Variants in MTM1 observed in about 807,000 individuals in gnomAD.
The protein encoded by MTM1 is myotubularin 1.
Under a neutral mutation model 52.1 loss-of-function variants are expected in MTM1, and 9 were observed. That is an observed-to-expected ratio of 0.17 (90% confidence interval 0.10 to 0.30). The LOEUF is 0.30. MTM1 is among the 10% of genes least tolerant of loss of function. MTM1 has a pLI of 1.00. For synonymous variants in MTM1, 136 were observed against 163.8 expected, an observed-to-expected ratio of 0.83 and a Z score of 1.29; for missense variants, 277 against 470.7, an observed-to-expected ratio of 0.59 and a Z score of 3.81.
At chrX:150,596,154 A>C (rs1174062952) in intron 2 of MTM1, among the ~76,000 whole-genome samples, 1 of 112,306 alleles carries the variant, frequency 8.9e-6, no homozygotes, top group African/African-American at 3.2e-5. Flanking sequence ...TGAAAAAAAG[A>C]AAGCTGCTAC....
Position 150,645,745 on chromosome X carries a change from C to A in MTM1, c.741C>A (p.Val247=). Residue 247 remains valine (V), a synonymous_variant, in exon 9 of 15, where the codon GTC becomes GTA. Coordinates refer to ENST00000370396, the MANE Select transcript of MTM1 (RefSeq NM_000252.3). ...TVIVRCSQPL[V]GMSGKRNKDD... ...TTGTGCGTTGCAGTCAGCCTCTTGTCGGTATGAGTGGGAAACGAAATAAAG... is the reference window on the plus strand; with the variant it reads ...TTGTGCGTTGCAGTCAGCCTCTTGTAGGTATGAGTGGGAAACGAAATAAAG... 8.3e-7 allele frequency: 1 copy of A among 1,210,482 alleles called. No individual in the cohort carries two copies. The highest frequency in any genetic ancestry group is 1.1e-6 in the Non-Finnish European group (1 of 894,438).
At chrX:150,632,475 A>G (rs1349043764) in intron 6 of MTM1, among the ~76,000 whole-genome samples, 1 of 111,684 alleles carries the variant, frequency 9.0e-6, no homozygotes, top group African/African-American at 3.3e-5. Flanking sequence ...TCTGAAGGTG[A>G]AGGGAGCCAT....
intron 11 of MTM1, 44 bp downstream of exon 11, chrX:150,658,071 C>A (rs781847908): frequency 1.9e-6 from 2 of 1,025,832 alleles, no homozygotes; most frequent in East Asian, 3.1e-5. Flanking sequence ...CACTACCATT[C>A]AGGATTTTAA....
chrX:150,584,232 C>T (rs2038740928), intron 1 of MTM1, among the ~76,000 whole-genome samples: 1 of 107,376 alleles, frequency 9.3e-6, no homozygotes, highest in African/African-American at 3.4e-5. Context: ...AAGTGCAAAG[C>T]AGTGGACTGC....
chrX:150,659,518 G>A (rs1422033539), intron 11 of MTM1, 146 bp from the exon 12 acceptor site: 1 of 480,577 alleles, frequency 2.1e-6, no homozygotes, highest in Non-Finnish European at 3.7e-6. Flanking sequence ...TGCCTATATT[G>A]CCATGGAAGT....
At position 150,652,658 on chromosome X, in the gene MTM1, TACACACAC is replaced by T. The variant is rs377592464; in HGVS notation, c.1053+2787_1053+2794del. On this transcript the variant is annotated intron_variant, in intron 10 of 14. Coordinates refer to ENST00000370396, the MANE Select transcript of MTM1 (RefSeq NM_000252.3). The stretch of plus-strand genomic sequence containing the variant: ...ATACGTGTGTGTGTGTATATATATA[TACACACAC>T]ACACACACACACACACACACACACA... 6.4e-3 allele frequency among the ~76,000 whole-genome samples: 525 copies of T among 82,453 alleles called. 3 individuals are homozygous for T. Among genetic ancestry groups the T allele is most frequent in the Non-Finnish European group, 7.7e-3 (325 of 42,104 alleles). The allele number at this position is 82,453 out of a possible 115,157, so 71.6% of individuals were successfully genotyped here.
chrX:150,644,013 C>A (rs1425270250), intron 8 of MTM1, among the ~76,000 whole-genome samples: 1 of 110,857 alleles, frequency 9.0e-6, no homozygotes, highest in Non-Finnish European at 1.9e-5. Flanking sequence ...GTAGCATTTC[C>A]TAACATGGCA....
chrX:150,649,371 A>G (rs898917397), intron 9 of MTM1, among the ~76,000 whole-genome samples: 7 of 112,613 alleles, frequency 6.2e-5, no homozygotes, highest in Non-Finnish European at 1.1e-4. Flanking sequence ...GAAGAGTACT[A>G]TTAGAGATAC....
Position 150,583,285 on chromosome X carries a change from A to ATATAATT in MTM1, c.-10-9316_-10-9315insATTTATA, listed in dbSNP as rs2038638884. Among the ~76,000 whole-genome samples, 2 of 55,893 alleles carry ATATAATT rather than the reference A, an allele frequency of 3.6e-5. 1 individual carries two copies. Among genetic ancestry groups the ATATAATT allele is most frequent in the African/African-American group, 1.5e-4 (2 of 13,251 alleles). 48.5% of individuals were successfully genotyped at this position (55,893 alleles called of 115,157 possible). On this transcript the variant is annotated intron_variant, in intron 1 of 14. Coordinates refer to ENST00000370396, the MANE Select transcript of MTM1 (RefSeq NM_000252.3). ...TATAAATTATATATAAATTATAAAT[A>ATATAATT]TATATAAATTATATATATTATATAT...
chrX:150,645,633 G>T, intron 8 of MTM1, 50 bp from the exon 9 acceptor site: 1 of 1,103,166 alleles, frequency 9.1e-7, no homozygotes, highest in Non-Finnish European at 1.3e-6. Flanking sequence ...TTAATTGTTT[G>T]CTTGGAGATT....
chrX:150,575,922 C>T (rs1415882154), intron 1 of MTM1, among the ~76,000 whole-genome samples: 2 of 111,346 alleles, frequency 1.8e-5, no homozygotes, highest in Non-Finnish European at 3.8e-5. Context: ...AGCAATTCTC[C>T]TGCCTCAGTC....
intron 4 of MTM1, among the ~76,000 whole-genome samples, chrX:150,610,932 A>G (rs2039264679): frequency 8.9e-6 from 1 of 112,396 alleles, no homozygotes; most frequent in South Asian, 3.6e-4. Flanking sequence ...TAAATTTGAC[A>G]TTTAAGAATA....
chrX:150,576,404 G>C (rs1412719515), intron 1 of MTM1, among the ~76,000 whole-genome samples: 1 of 111,486 alleles, frequency 9.0e-6, no homozygotes, highest in African/African-American at 3.3e-5. Flanking sequence ...TCCTACTATT[G>C]TTTGTTTGTG....
chrX:150,574,630 A>G (rs1304440817), intron 1 of MTM1, among the ~76,000 whole-genome samples: 1 of 112,346 alleles, frequency 8.9e-6, no homozygotes, highest in East Asian at 2.8e-4. Flanking sequence ...TAATAATGAC[A>G]CGTTTTTCCT....
chrX:150,659,625 C>A, intron 11 of MTM1, 39 bp from the exon 12 acceptor site: 1 of 1,075,638 alleles, frequency 9.3e-7, no homozygotes, highest in Non-Finnish European at 1.3e-6. Flanking sequence ...AGTTTTGTAC[C>A]CATTAATTAA....
At chrX:150,639,685 T>C (rs2039816260) in intron 7 of MTM1, among the ~76,000 whole-genome samples, 1 of 112,395 alleles carries the variant, frequency 8.9e-6, no homozygotes, top group South Asian at 3.7e-4. Flanking sequence ...GAGCCACAGT[T>C]TGACCTCTGG....
At chrX:150,593,333 G>C (rs2038919590) in intron 2 of MTM1, among the ~76,000 whole-genome samples, 1 of 112,316 alleles carries the variant, frequency 8.9e-6, no homozygotes, top group African/African-American at 3.2e-5. Flanking sequence ...AAGGCCTGCT[G>C]AGCAGGCTGC....
chrX:150,656,202 C>G (rs1557414410), intron 10 of MTM1, among the ~76,000 whole-genome samples: 1 of 111,266 alleles, frequency 9.0e-6, no homozygotes, highest in Non-Finnish European at 1.9e-5. Flanking sequence ...GTCCTGACCC[C>G]CTGTACCTCA....
At chrX:150,633,355 T>C (rs782240288) in intron 6 of MTM1, among the ~76,000 whole-genome samples, 1 of 112,208 alleles carries the variant, frequency 8.9e-6, no homozygotes, top group Non-Finnish European at 1.9e-5. Flanking sequence ...TGACCTGTTA[T>C]CTTTTGTCAG....
Sources: allele counts gnomAD v4.1 joint callset (sites outside exome capture counted in the v4.1 genomes callset), GRCh38; gene constraint gnomAD v4.1.1; transcripts MANE v1.5; gene names NCBI Gene and HGNC (gene_info 2026-07-23, HGNC 2026-07-21).